Variants in DCDC2 observed in about 807,000 individuals in gnomAD.
DCDC2 encodes the protein doublecortin domain containing 2, also known as doublecortin domain-containing protein 2.
A neutral mutation model predicts 50.2 loss-of-function variants in DCDC2; 40 were observed. The observed-to-expected ratio is 0.80, with a 90% CI of 0.62 to 1.04. The LOEUF (loss-of-function observed/expected upper bound fraction) is 1.04. Ranked by LOEUF, DCDC2 falls within the 50% of genes least tolerant of loss-of-function variation. The pLI, the probability that DCDC2 is intolerant of heterozygous loss-of-function variation, is 0.00. For synonymous variants in DCDC2, 234 were observed against 210.6 expected, an observed-to-expected ratio of 1.11 and a Z score of -0.96; for missense variants, 570 against 581.9, an observed-to-expected ratio of 0.98 and a Z score of 0.21.
intron 1 of DCDC2, among the ~76,000 whole-genome samples, chr6:24,353,945 GA>G (rs1028617448): frequency 6.6e-6 from 1 of 152,156 alleles, no homozygotes; most frequent in Non-Finnish European, 1.5e-5. Flanking sequence ...TTTTTTAAAA[GA>G]GTGGCTTATG....
the DCDC2 span, among the ~76,000 whole-genome samples, chr6:24,363,301 C>G: frequency 8.5e-5 from 13 of 152,226 alleles, no homozygotes; most frequent in African/African-American, 3.1e-4. Flanking sequence ...TGAGACCAGC[C>G]TGGCCAACAT....
rs560857277 is a variant in DCDC2 at position 24,355,668 on chromosome 6, A to T, written c.293+1790T>A. 2.0e-5 allele frequency among the ~76,000 whole-genome samples: 3 copies of T among 152,266 alleles called. No individual in the cohort carries two copies. The South Asian group carries it at 6.2e-4, about 32-fold the overall frequency. ...GTTTTAAGTTTCCTTTAAGCATGCA[A>T]TTTCATTTAGCCCTTTTTTACGAAG... On this transcript the variant is annotated intron_variant, in intron 1 of 9. Transcript: ENST00000378454.
At position 24,174,112 on chromosome 6, in the gene DCDC2, T is replaced by TA. The variant is rs1442415510; in HGVS notation, c.*617dup. On this transcript the variant is annotated 3_prime_UTR_variant, in exon 10 of 10. Coordinates refer to ENST00000378454, the MANE Select transcript of DCDC2 (RefSeq NM_016356.5). Reference sequence around the variant, plus strand: ...AAGCATTTAAGTGACGGCATGGCGATACTAGTCACTAACACTCTGAACCAA... The same window carrying TA: ...AAGCATTTAAGTGACGGCATGGCGATAACTAGTCACTAACACTCTGAACCAA... 6.6e-6 allele frequency: 1 copy of TA among 152,328 alleles called. No homozygotes were observed. The highest frequency in any genetic ancestry group is 1.5e-5 in the Non-Finnish European group (1 of 68,054). The allele number at this position is 152,328 out of a possible 1,614,324, so 9.4% of individuals were successfully genotyped here. A position where few individuals can be genotyped will look rare whatever the true frequency, so the allele number is the denominator to read the frequency against.
intron 7 of DCDC2, among the ~76,000 whole-genome samples, chr6:24,233,997 T>C (rs1183695911): frequency 6.6e-6 from 1 of 152,206 alleles, no homozygotes; most frequent in Non-Finnish European, 1.5e-5. Context: ...TGCCTTTAAC[T>C]AGCTCATGAT....
upstream of DCDC2, among the ~76,000 whole-genome samples, chr6:24,362,054 G>A (rs1760673998): frequency 6.6e-6 from 1 of 152,160 alleles, no homozygotes; most frequent in South Asian, 2.1e-4. Flanking sequence ...GCAGTAGCAA[G>A]TCATTGTATG....
intron 2 of DCDC2, among the ~76,000 whole-genome samples, chr6:24,339,313 C>G (rs772863229): frequency 6.6e-6 from 1 of 152,164 alleles, no homozygotes; most frequent in Non-Finnish European, 1.5e-5. Context: ...TCCTCCCACA[C>G]AGCACACTTC....
intron 2 of DCDC2, 105 bp downstream of exon 2, chr6:24,353,464 T>G: frequency 1.4e-6 from 1 of 702,730 alleles, no homozygotes; most frequent in Non-Finnish European, 2.6e-6. Flanking sequence ...TTCTTTACAT[T>G]AGAGAACTCA....
the DCDC2 span, among the ~76,000 whole-genome samples, chr6:24,368,840 T>C: frequency 5.3e-5 from 8 of 152,248 alleles, no homozygotes; most frequent in South Asian, 8.3e-4. Context: ...AGAACTAGAA[T>C]ACTAGAAAAT....
chr6:24,382,831 A>T, the DCDC2 span, among the ~76,000 whole-genome samples: 2 of 152,252 alleles, frequency 1.3e-5, no homozygotes, highest in Non-Finnish European at 2.9e-5. Context: ...GTCTGACTCC[A>T]TCTCATCAAA....
At chr6:24,294,627 C>G (rs116804127) in intron 4 of DCDC2, among the ~76,000 whole-genome samples, 2 of 151,822 alleles carry the variant, frequency 1.3e-5, no homozygotes, top group Non-Finnish European at 2.9e-5. Context: ...CAATTAGGAA[C>G]GACAAATGGG....
chr6:24,358,860 T>TATATAATATATATGTATTATATATA (rs1561788355), upstream of DCDC2, among the ~76,000 whole-genome samples: 2 of 15,500 alleles, frequency 1.3e-4, no homozygotes, highest in Non-Finnish European at 1.8e-4. Context: ...TTATATATAA[T>TATATAATATATATGTATTATATATA]ATATATAATA....
intron 6 of DCDC2, among the ~76,000 whole-genome samples, chr6:24,285,209 G>A (rs1444130363): frequency 6.6e-6 from 1 of 152,104 alleles, no homozygotes; most frequent in Non-Finnish European, 1.5e-5. Context: ...AGGGTGCTAC[G>A]GGAACACTGT....
chr6:24,317,860 T>G (rs1029032163), intron 2 of DCDC2, among the ~76,000 whole-genome samples: 1 of 151,956 alleles, frequency 6.6e-6, no homozygotes, highest in African/African-American at 2.4e-5. Flanking sequence ...AATTCATGTT[T>G]TTAAAAAAAA....
chr6:24,338,036 A>C (rs1760090050), intron 2 of DCDC2, among the ~76,000 whole-genome samples: 2 of 152,230 alleles, frequency 1.3e-5, no homozygotes, highest in South Asian at 2.1e-4. Context: ...TTCCTTCTGC[A>C]TTAACACACA....
At position 24,208,322 on chromosome 6, in the gene DCDC2, C is replaced by T. The variant is rs576993667; in HGVS notation, c.923-3220G>A. 3.3e-5 allele frequency among the ~76,000 whole-genome samples: 5 copies of T among 151,972 alleles called. No individual in the cohort carries two copies. In the South Asian group the frequency reaches 1.0e-3, roughly 32 times the overall value. On this transcript the variant is annotated intron_variant, in intron 7 of 9. Transcript: ENST00000378454. ...ATCTCCTCTGATCTTATCCTGTAAC[C>T]CCACAACAAAACAGAACCAACAGCT...
At chr6:24,357,341 G>A (rs1182216489) in intron 1 of DCDC2, 117 bp downstream of exon 1, 4 of 1,236,258 alleles carry the variant, frequency 3.2e-6, no homozygotes, top group African/African-American at 1.5e-5. Flanking sequence ...CAATCACACC[G>A]AGAAGTCACA....
chr6:24,253,433 T>C (rs1419508518), intron 7 of DCDC2, among the ~76,000 whole-genome samples: 2 of 152,166 alleles, frequency 1.3e-5, no homozygotes, highest in African/African-American at 4.8e-5. Flanking sequence ...GGAAAAAATG[T>C]AAATACAGTC....
chr6:24,240,457 T>A (rs1171691241), intron 7 of DCDC2, among the ~76,000 whole-genome samples: 3 of 152,200 alleles, frequency 2.0e-5, no homozygotes, highest in African/African-American at 4.8e-5. Flanking sequence ...TTACAAAACA[T>A]TTGGTCAACA....
At chr6:24,350,674 G>C (rs1204934704) in intron 2 of DCDC2, among the ~76,000 whole-genome samples, 1 of 151,862 alleles carries the variant, frequency 6.6e-6, no homozygotes, top group African/African-American at 2.4e-5. Context: ...ACTCCCCCTT[G>C]AAACAACTCT....
Sources: gnomAD v4.1 joint callset for allele counts (sites outside exome capture counted in the v4.1 genomes callset) on GRCh38, gnomAD v4.1.1 for gene constraint, MANE v1.5 for transcripts, NCBI Gene and HGNC (gene_info 2026-07-23, HGNC 2026-07-21) for gene names.